Variants in KCNN2 observed in about 807,000 individuals in gnomAD.
The protein encoded by KCNN2 is potassium calcium-activated channel subfamily N member 2.
A neutral mutation model predicts 55.5 loss-of-function variants in KCNN2; 24 were observed. The ratio of observed to expected loss-of-function variants is 0.43; its 90% CI spans 0.31 to 0.61. The LOEUF is 0.61. Among genes scored for constraint, KCNN2 ranks in the 20% least tolerant of loss-of-function variants. KCNN2 has a pLI of 0.08. For missense variants in KCNN2, 754 were observed against 853.6 expected (o/e 0.88, Z 1.45); for synonymous variants, 431 against 336.1 (o/e 1.28, Z -3.09).
rs757040584 is a variant in KCNN2, at chr5:114,363,979, T to C, written c.1196T>C (p.Val399Ala). The change falls in exon 2 of 8, where the codon GTG becomes GCG. Residue 399 changes from valine to alanine, a missense_variant. By Grantham distance (64) the Val-to-Ala change is moderately conservative. This residue lies in a region of KCNN2 where 123 missense variants were observed against 204.9 expected (regional missense o/e 0.60). Transcript: ENST00000673685. ...ATCATCCTGCTCGGTCTGATCATCGTGTACCACGCCAGGGAAATACAGGTA... is the reference window on the plus strand; with the variant it reads ...ATCATCCTGCTCGGTCTGATCATCGCGTACCACGCCAGGGAAATACAGGTA... ...STIILLGLII[V>A]YHAREIQLFM... 6.2e-7 allele frequency: 1 copy of C among 1,613,954 alleles called. No homozygotes were observed. Among genetic ancestry groups the C allele is most frequent in the South Asian group, 1.1e-5 (1 of 91,086 alleles).
At chr5:114,110,479 G>C (rs1751574461) in intron 1 of KCNN2, among the ~76,000 whole-genome samples, 1 of 152,016 alleles carries the variant, frequency 6.6e-6, no homozygotes, top group East Asian at 1.9e-4. Flanking sequence ...AATTAAATCT[G>C]AAGCTACAAG....
intron 2 of KCNN2, among the ~76,000 whole-genome samples, chr5:114,301,282 C>CT (rs1243541086): frequency 6.6e-6 from 1 of 152,104 alleles, no homozygotes; most frequent in African/African-American, 2.4e-5. Context: ...GAATGAAAAA[C>CT]TTTATCTCAC....
In KCNN2 at chr5:114,362,999, A is replaced by G. The variant is rs770946917; in HGVS notation, c.860A>G (p.Asn287Ser). Residue 287 changes from asparagine (N) to serine (S), a missense_variant, in exon 1 of 8, where the codon AAC becomes AGC. Asn to Ser is a conservative substitution (Grantham distance 46, BLOSUM62 1). This residue lies in a region of KCNN2 where 381 missense variants were observed against 259.1 expected (regional missense o/e 1.47). Transcript: ENST00000673685. The stretch of plus-strand genomic sequence containing the variant: ...GTGGTGTCTAAGCCCGAGCACAACA[A>G]CTCCAACAACCTGGCGCTCTATGGA... ...EIVVSKPEHN[N>S]SNNLALYGTG... The G allele has an allele frequency of 5.6e-6, 9 of 1,595,034 alleles. No individual in the cohort carries two copies. The highest frequency in any genetic ancestry group is 1.1e-5 in the South Asian group (1 of 90,050).
rs145712075 is a variant in KCNN2 at position 114,451,671 on chromosome 5, C to T, written c.1638-11378C>T. On this transcript the variant is annotated intron_variant, in intron 3 of 7. Coordinates refer to ENST00000673685, the MANE Select transcript of KCNN2 (RefSeq NM_021614.4). The stretch of plus-strand genomic sequence containing the variant: ...CAGCACTTTGGGAGGCCAAGGCGGG[C>T]GGATTATGAGGTCAGGAGATCAAGA... Among the ~76,000 whole-genome samples, 544 of 152,068 alleles carry T rather than the reference C, an allele frequency of 3.6e-3. 5 individuals are homozygous for T. Among genetic ancestry groups the T allele is most frequent in the African/African-American group, 0.013 (520 of 41,466 alleles).
At chr5:114,083,356 G>A (rs1750864914) in intron 1 of KCNN2, among the ~76,000 whole-genome samples, 1 of 151,710 alleles carries the variant, frequency 6.6e-6, no homozygotes, top group African/African-American at 2.4e-5. Context: ...TTAGATACAT[G>A]TTTTTTTCTT....
At chr5:114,209,205 C>T (rs1451751891) in intron 1 of KCNN2, among the ~76,000 whole-genome samples, 1 of 151,992 alleles carries the variant, frequency 6.6e-6, no homozygotes. Context: ...CAGGCATGCA[C>T]CACCACACCT....
At chr5:114,443,804 C>A (rs1187545381) in intron 3 of KCNN2, among the ~76,000 whole-genome samples, 5 of 152,156 alleles carry the variant, frequency 3.3e-5, no homozygotes. Context: ...AAGAAGCAGC[C>A]TGAACGTGTG....
intron 1 of KCNN2, among the ~76,000 whole-genome samples, chr5:114,165,343 C>T (rs976678048): frequency 9.9e-5 from 15 of 152,158 alleles, no homozygotes; most frequent in African/African-American, 3.6e-4. Flanking sequence ...TGTGATGATG[C>T]ATTTCCACTT....
Position 114,081,417 on chromosome 5 carries a change from T to C in KCNN2, c.-271+24917T>C, listed in dbSNP as rs553316371. ...TACAAAGCTGTAGTAATCAAAACAG[T>C]GTAGTACTGGCATACAGACATACAG... On this transcript the variant is annotated intron_variant, in intron 1 of 10. Coordinates refer to the KCNN2 transcript ENST00000512097. Among the ~76,000 whole-genome samples the C allele has an allele frequency of 4.5e-4, 68 of 152,250 alleles. 1 individual carries two copies. The South Asian group carries it at 0.013, about 30-fold the overall frequency.
intron 5 of KCNN2, among the ~76,000 whole-genome samples, chr5:114,475,397 C>G (rs563404977): frequency 6.6e-6 from 1 of 152,128 alleles, no homozygotes; most frequent in African/African-American, 2.4e-5. Flanking sequence ...AGAAATCCCT[C>G]AAGAGACAAA....
chr5:114,218,881 C>A (rs186345690), intron 1 of KCNN2, among the ~76,000 whole-genome samples: 77 of 152,274 alleles, frequency 5.1e-4, no homozygotes, highest in African/African-American at 1.8e-3. Context: ...TTCTCTGACA[C>A]CTTCATGGGA....
chr5:114,104,055 T>G (rs1751429523), intron 1 of KCNN2, among the ~76,000 whole-genome samples: 1 of 152,146 alleles, frequency 6.6e-6, no homozygotes, highest in African/African-American at 2.4e-5. Context: ...CGTTTGGTCC[T>G]ACGCTTTTTT....
chr5:114,377,280 A>C (rs781719431), intron 2 of KCNN2, among the ~76,000 whole-genome samples: 2 of 152,044 alleles, frequency 1.3e-5, no homozygotes, highest in Admixed American at 6.6e-5. Context: ...TGTTTTGAGA[A>C]TACCAGCCAC....
chr5:114,074,110 T>C, intron 1 of KCNN2, among the ~76,000 whole-genome samples: 1 of 152,222 alleles, frequency 6.6e-6, no homozygotes, highest in South Asian at 2.1e-4. Context: ...ATTTTTGTTT[T>C]CTGTGAGGAT....
chr5:114,272,450 ATG>A (rs1362409739), intron 2 of KCNN2, among the ~76,000 whole-genome samples: 1 of 12,728 alleles, frequency 7.9e-5, no homozygotes, highest in African/African-American at 1.1e-4. Flanking sequence ...ATACACACAT[ATG>A]TATGTACATA....
chr5:114,158,722 C>T (rs1445561349), intron 1 of KCNN2, among the ~76,000 whole-genome samples: 1 of 151,042 alleles, frequency 6.6e-6, no homozygotes, highest in Non-Finnish European at 1.5e-5. Flanking sequence ...CCTTCACATC[C>T]CTTGTAAGTT....
chr5:114,191,667 T>C (rs1324268116), intron 1 of KCNN2, among the ~76,000 whole-genome samples: 1 of 152,146 alleles, frequency 6.6e-6, no homozygotes, highest in Non-Finnish European at 1.5e-5. Context: ...AGCTACAAGG[T>C]AAACCACACT....
intron 2 of KCNN2, among the ~76,000 whole-genome samples, chr5:114,310,587 T>G (rs1453371611): frequency 6.6e-6 from 1 of 152,178 alleles, no homozygotes; most frequent in African/African-American, 2.4e-5. Context: ...TTAATTTTTT[T>G]TCAAATGACC....
chr5:114,290,551 A>T (rs1580698148), intron 2 of KCNN2, among the ~76,000 whole-genome samples: 1 of 151,340 alleles, frequency 6.6e-6, no homozygotes, highest in South Asian at 2.1e-4. Flanking sequence ...CTTTTGTTTC[A>T]TTTATTTTCT....
Sources: allele counts gnomAD v4.1 joint callset (sites outside exome capture counted in the v4.1 genomes callset), GRCh38; gene constraint gnomAD v4.1.1; regional missense constraint gnomAD v4.1.1; transcripts MANE v1.5; gene names NCBI Gene and HGNC (gene_info 2026-07-23, HGNC 2026-07-21).